Variants in SH3RF1 observed in about 807,000 individuals in gnomAD.
SH3RF1 encodes the protein E3 ubiquitin-protein ligase SH3RF1.
SH3RF1 carries 32 observed loss-of-function variants against 74.0 expected under a neutral mutation model. That is an observed-to-expected ratio of 0.43 (90% confidence interval 0.33 to 0.58). SH3RF1 has a LOEUF of 0.58. Ranked by LOEUF, SH3RF1 falls within the 20% of genes least tolerant of loss-of-function variation. The pLI, the probability that SH3RF1 is intolerant of heterozygous loss-of-function variation, is 0.05. For synonymous variants in SH3RF1, 396 were observed against 439.6 expected, an observed-to-expected ratio of 0.90 and a Z score of 1.24; for missense variants, 954 against 1,130.9, an observed-to-expected ratio of 0.84 and a Z score of 2.24.
chr4:169,251,600 GA>G (rs1731106411), intron 2 of SH3RF1, among the ~76,000 whole-genome samples: 1 of 152,178 alleles, frequency 6.6e-6, no homozygotes, highest in Admixed American at 6.5e-5. Context: ...GCTTTTAATG[GA>G]CAGGTACATT....
chr4:169,119,190 G>A (rs1241241601), intron 8 of SH3RF1, among the ~76,000 whole-genome samples: 2 of 150,748 alleles, frequency 1.3e-5, no homozygotes, highest in African/African-American at 2.4e-5. Context: ...TGCAGCCTCC[G>A]CCTCCCAGGT....
At chr4:169,173,435 T>TAA (rs879590899) in intron 2 of SH3RF1, among the ~76,000 whole-genome samples, 2 of 146,056 alleles carry the variant, frequency 1.4e-5, no homozygotes, top group East Asian at 2.0e-4. Flanking sequence ...TTTCTGGGAT[T>TAA]AAAAAAAAAA....
intron 2 of SH3RF1, among the ~76,000 whole-genome samples, chr4:169,200,154 T>G (rs1205186971): frequency 6.6e-6 from 1 of 152,148 alleles, no homozygotes; most frequent in African/African-American, 2.4e-5. Context: ...GCCTCAAATA[T>G]GTATAGAGCA....
At chr4:169,171,820 A>G (rs759009448) in intron 2 of SH3RF1, among the ~76,000 whole-genome samples, 55 of 152,232 alleles carry the variant, frequency 3.6e-4, no homozygotes, top group Middle Eastern at 3.2e-3. Flanking sequence ...GGATGGCTCA[A>G]TATGATCTAG....
At chr4:169,180,401 CAAT>C (rs959584424) in intron 2 of SH3RF1, among the ~76,000 whole-genome samples, 1 of 152,204 alleles carries the variant, frequency 6.6e-6, no homozygotes, top group Non-Finnish European at 1.5e-5. Context: ...TAGCCAGTTA[CAAT>C]AATAACACTG....
At chr4:169,180,529 C>T (rs983642846) in intron 2 of SH3RF1, among the ~76,000 whole-genome samples, 4 of 152,140 alleles carry the variant, frequency 2.6e-5, no homozygotes, top group Non-Finnish European at 5.9e-5. Context: ...AAGAGATGGC[C>T]GTTTAGTATG....
At chr4:169,231,038 T>C (rs1487806319) in intron 2 of SH3RF1, among the ~76,000 whole-genome samples, 2 of 152,170 alleles carry the variant, frequency 1.3e-5, no homozygotes, top group Non-Finnish European at 2.9e-5. Context: ...TGCTAGGGCA[T>C]AGGAAGGCTA....
At chr4:169,231,729 A>T in intron 2 of SH3RF1, among the ~76,000 whole-genome samples, 1 of 152,120 alleles carries the variant, frequency 6.6e-6, no homozygotes, top group Non-Finnish European at 1.5e-5. Context: ...CTCCCTTCCA[A>T]ATCACCTGGA....
chr4:169,110,211 C>CA (rs1452222251), intron 10 of SH3RF1, among the ~76,000 whole-genome samples: 3 of 149,652 alleles, frequency 2.0e-5, no homozygotes, highest in East Asian at 3.9e-4. Context: ...CCATCTCTAC[C>CA]AAAAAAAAAT....
intron 2 of SH3RF1, among the ~76,000 whole-genome samples, chr4:169,214,603 G>A (rs1392797202): frequency 6.6e-6 from 1 of 152,036 alleles, no homozygotes; most frequent in African/African-American, 2.4e-5. Context: ...TCTTTCATCG[G>A]ATTTTTGTAG....
chr4:169,257,659 T>C (rs554621752), intron 2 of SH3RF1, among the ~76,000 whole-genome samples: 25 of 152,334 alleles, frequency 1.6e-4, no homozygotes, highest in African/African-American at 5.3e-4. Flanking sequence ...TAATTCTAAA[T>C]ATGGTTCTAA....
chr4:169,197,486 C>T (rs1251706558), intron 2 of SH3RF1, among the ~76,000 whole-genome samples: 1 of 151,704 alleles, frequency 6.6e-6, no homozygotes. Context: ...ATTAGCCAGT[C>T]GTGGTGGTGC....
rs55789537 is a variant in SH3RF1 at position 169,130,586 on chromosome 4, G to A, written c.1069-430C>T. ...GTCTATCAATACGTTAAATCTATGTGAAATTCTTCAGGTATTTTGCTATTT... is the reference window on the plus strand; with the variant it reads ...GTCTATCAATACGTTAAATCTATGTAAAATTCTTCAGGTATTTTGCTATTT... On this transcript the variant is annotated intron_variant, in intron 5 of 11. Coordinates refer to ENST00000284637, the MANE Select transcript of SH3RF1 (RefSeq NM_020870.4). 6.5e-3 allele frequency among the ~76,000 whole-genome samples: 989 copies of A among 152,266 alleles called. 10 individuals carry two copies. The highest frequency in any genetic ancestry group is 0.017 in the Middle Eastern group (5 of 294).
chr4:169,104,680 T>C (rs770379881), intron 11 of SH3RF1, among the ~76,000 whole-genome samples: 9 of 152,044 alleles, frequency 5.9e-5, no homozygotes, highest in African/African-American at 1.9e-4. Flanking sequence ...GGCAGGTGAA[T>C]TGCCTGAGCT....
chr4:169,152,589 T>C (rs1241380457), intron 4 of SH3RF1, among the ~76,000 whole-genome samples: 1 of 152,066 alleles, frequency 6.6e-6, no homozygotes, highest in Non-Finnish European at 1.5e-5. Flanking sequence ...AACACAAAAT[T>C]AGCCGGACGT....
At chr4:169,100,870 C>T (rs1733015248) in intron 11 of SH3RF1, among the ~76,000 whole-genome samples, 1 of 152,186 alleles carries the variant, frequency 6.6e-6, no homozygotes, top group Non-Finnish European at 1.5e-5. Flanking sequence ...CCTTTACTTC[C>T]CCCACGCCAC....
chr4:169,102,818 C>T (rs1251245166), intron 11 of SH3RF1, among the ~76,000 whole-genome samples: 1 of 151,894 alleles, frequency 6.6e-6, no homozygotes, highest in Non-Finnish European at 1.5e-5. Flanking sequence ...TGTCAACACA[C>T]TTCAAGGTTC....
At chr4:169,186,782 G>A (rs1218558856) in intron 2 of SH3RF1, among the ~76,000 whole-genome samples, 18 of 150,802 alleles carry the variant, frequency 1.2e-4, no homozygotes, top group African/African-American at 3.2e-4. Context: ...TGAGGCAGGC[G>A]GATCACGAGG....
chr4:169,224,064 C>T (rs1730614350), intron 2 of SH3RF1, among the ~76,000 whole-genome samples: 1 of 152,218 alleles, frequency 6.6e-6, no homozygotes, highest in South Asian at 2.1e-4. Context: ...TTGTATTTAG[C>T]ATCATGGCCC....
Sources: gnomAD v4.1 joint callset for allele counts (sites outside exome capture counted in the v4.1 genomes callset) on GRCh38, gnomAD v4.1.1 for gene constraint, MANE v1.5 for transcripts, NCBI Gene and HGNC (gene_info 2026-07-23, HGNC 2026-07-21) for gene names.